The following STK10 variants were observed in gnomAD, a reference collection of about 807,000 sequenced individuals.
The protein encoded by STK10 is serine/threonine-protein kinase 10.
STK10 carries 78 observed loss-of-function variants against 113.8 expected under a neutral mutation model. That is an observed-to-expected ratio of 0.69 (90% CI 0.57 to 0.83). The LOEUF (loss-of-function observed/expected upper bound fraction) is 0.83, where lower values mean the gene tolerates loss of function less well. Ranked by LOEUF, STK10 falls within the 40% of genes least tolerant of loss-of-function variation. STK10 has a pLI of 0.00. For missense variants in STK10, 1,109 were observed against 1,280.1 expected (o/e 0.87, Z 2.04); for synonymous variants, 465 against 494.7 (o/e 0.94, Z 0.80).
chr5:172,057,280 A>G lies in STK10; in HGVS notation c.2337+69T>C. ...GTGCACCCAAGAGGTGCCCCATCAC[A>G]TACAGCCTCATGGCTCTCCCAGGTC... On this transcript the variant is annotated intron_variant, in intron 15 of 18. Coordinates refer to ENST00000176763, the MANE Select transcript of STK10 (RefSeq NM_005990.4). 5 of 1,542,546 alleles carry G rather than the reference A, an allele frequency of 3.2e-6. No homozygotes were observed. In the Admixed American group the frequency reaches 7.7e-5, roughly 24 times the overall value.
At chr5:172,087,495 G>A (rs543404365) in intron 10 of STK10, among the ~76,000 whole-genome samples, 2 of 151,966 alleles carry the variant, frequency 1.3e-5, no homozygotes, top group Admixed American at 6.6e-5. Context: ...GGCTTTTCTC[G>A]AACTCCTGAC....
intron 1 of STK10, among the ~76,000 whole-genome samples, chr5:172,158,016 G>A (rs17643035): frequency 0.035 from 5,278 of 152,290 alleles, 121 homozygotes; most frequent in Non-Finnish European, 0.05. Flanking sequence ...GAACTGTTTC[G>A]TAGATGCATG....
chr5:172,167,442 C>G (rs748753653), intron 1 of STK10, among the ~76,000 whole-genome samples: 2 of 152,104 alleles, frequency 1.3e-5, no homozygotes, highest in Non-Finnish European at 2.9e-5. Flanking sequence ...TGGACAGGGA[C>G]GAGCTAAAAC....
In STK10 at chr5:172,111,353, T is replaced by C. The variant is rs144383549; in HGVS notation, c.521-3501A>G. The stretch of plus-strand genomic sequence containing the variant: ...CCCGACCACAGGCCCTGCCGATCCC[T>C]TCCTGAGAAGAGAGACGAGAAACAG... On this transcript the variant is annotated intron_variant, in intron 4 of 18. Coordinates refer to ENST00000176763, the MANE Select transcript of STK10 (RefSeq NM_005990.4). 9.2e-3 allele frequency among the ~76,000 whole-genome samples: 1,396 copies of C among 152,254 alleles called. 17 individuals carry two copies. Among genetic ancestry groups the C allele is most frequent in the African/African-American group, 0.032 (1,327 of 41,548 alleles).
chr5:172,157,590 A>T lies in STK10; in HGVS notation c.157-802T>A, dbSNP rs532458021. Among the ~76,000 whole-genome samples the T allele has an allele frequency of 2.6e-5, 4 of 151,982 alleles. No homozygotes were observed. The East Asian group carries it at 5.8e-4, about 22-fold the overall frequency. ...AACATTTTTTTAAATCTGTTTAAAA[A>T]TTTTTTTTGTTGTTTTTTGAGATGG... On this transcript the variant is annotated intron_variant, in intron 1 of 18. Coordinates refer to ENST00000176763, the MANE Select transcript of STK10 (RefSeq NM_005990.4).
intron 14 of STK10, 21 bp downstream of exon 14, chr5:172,061,118 C>T: frequency 6.3e-7 from 1 of 1,596,984 alleles, no homozygotes; most frequent in Non-Finnish European, 8.5e-7. Flanking sequence ...CAAGACAGCG[C>T]TGCCACTTGC....
intron 1 of STK10, among the ~76,000 whole-genome samples, chr5:172,178,906 A>T (rs6872832): frequency 0.22 from 33,441 of 151,738 alleles, 4,244 homozygotes; most frequent in African/African-American, 0.36. Context: ...AACTGCAAGG[A>T]GGTGTTCTGG....
intron 1 of STK10, among the ~76,000 whole-genome samples, chr5:172,173,864 C>A (rs1770705166): frequency 6.6e-6 from 1 of 152,216 alleles, no homozygotes; most frequent in African/African-American, 2.4e-5. Context: ...ACAGTGAGGG[C>A]TGGCCACAAG....
chr5:172,122,875 G>A (rs113399073), intron 3 of STK10, among the ~76,000 whole-genome samples: 2,532 of 152,158 alleles, frequency 0.017, 60 homozygotes, highest in African/African-American at 0.056. Context: ...CACCCGCCTC[G>A]GCCTCCCAAA....
At chr5:172,083,909 A>C (rs1208757778) in intron 10 of STK10, among the ~76,000 whole-genome samples, 1 of 147,756 alleles carries the variant, frequency 6.8e-6, no homozygotes, top group Non-Finnish European at 1.5e-5. Context: ...ACTCCGTCTC[A>C]ACAACACAAA....
intron 1 of STK10, among the ~76,000 whole-genome samples, chr5:172,186,718 T>C (rs1295711321): frequency 1.3e-5 from 2 of 152,212 alleles, no homozygotes; most frequent in African/African-American, 4.8e-5. Flanking sequence ...TGGGATCTTA[T>C]TAAAACGTAG....
At chr5:172,080,699 A>G (rs1253381272) in intron 12 of STK10, among the ~76,000 whole-genome samples, 1 of 152,248 alleles carries the variant, frequency 6.6e-6, no homozygotes, top group Non-Finnish European at 1.5e-5. Flanking sequence ...GCTGAGGAAG[A>G]AAGGCTGGAA....
At chr5:172,129,771 G>A (rs1769707158) in intron 2 of STK10, among the ~76,000 whole-genome samples, 2 of 152,208 alleles carry the variant, frequency 1.3e-5, no homozygotes, top group Non-Finnish European at 2.9e-5. Flanking sequence ...CACAAGAGGT[G>A]ATGATGGAAA....
chr5:172,148,848 G>A (rs1050726060), intron 2 of STK10, among the ~76,000 whole-genome samples: 4 of 152,220 alleles, frequency 2.6e-5, no homozygotes, highest in Non-Finnish European at 4.4e-5. Flanking sequence ...CCACTCCACC[G>A]TTCTAACCCT....
chr5:172,044,647 A>C lies in STK10; in HGVS notation c.*235T>G. ...TGAAGGGATCTGGGGCTCAAGGAGA[A>C]TATACATTAGGTTCAGGTGACAAAT... is the stretch of plus-strand genomic sequence containing the variant. On this transcript the variant is annotated 3_prime_UTR_variant, in exon 19 of 19. Transcript: ENST00000176763. This position sits in a 1 kb window ranked among gnomAD's most constrained non-coding sequence, Gnocchi z 4.5. 1.6e-6 allele frequency: 1 copy of C among 609,336 alleles called. No individual in the cohort carries two copies. The highest frequency in any genetic ancestry group is 2.0e-5 in the South Asian group (1 of 50,922). The allele number at this position is 609,336 out of a possible 1,614,324, so 37.7% of individuals were successfully genotyped here.
chr5:172,069,879 C>T (rs1013169990), intron 12 of STK10, among the ~76,000 whole-genome samples: 2 of 152,146 alleles, frequency 1.3e-5, no homozygotes, highest in Non-Finnish European at 1.5e-5. Flanking sequence ...CAAGTGCACA[C>T]GGAACACTCA....
Position 172,093,717 on chromosome 5 carries a change from A to C in STK10, c.1249T>G (p.Ser417Ala), listed in dbSNP as rs774174400. The change falls in exon 9 of 19, where the codon TCA becomes GCA. Residue 417 changes from serine (S) to alanine (A), a missense_variant. Physicochemically the swap from Ser to Ala is moderately conservative, Grantham distance 99. This residue lies in a region of STK10 where 885 missense variants were observed against 991.1 expected (regional missense o/e 0.89). Transcript: ENST00000176763. This position sits in a 1 kb window ranked among gnomAD's most constrained non-coding sequence, Gnocchi z 4.1. ...PVPLRKSRPVSMDARIQVAQE... is the reference protein window; with the variant it reads ...PVPLRKSRPVAMDARIQVAQE... Reference sequence around the variant, plus strand: ...GCTACCTGAATTCTGGCATCCATTGACACGGGTCGGGACTTCCGCAGGGGC... The same window carrying C: ...GCTACCTGAATTCTGGCATCCATTGCCACGGGTCGGGACTTCCGCAGGGGC... The C allele has an allele frequency of 6.2e-7, 1 of 1,614,174 alleles. No individual in the cohort carries two copies. The highest frequency in any genetic ancestry group is 8.5e-7 in the Non-Finnish European group (1 of 1,180,004).
chr5:172,125,930 T>C (rs929007873), intron 3 of STK10, among the ~76,000 whole-genome samples: 2 of 152,254 alleles, frequency 1.3e-5, no homozygotes, highest in Non-Finnish European at 2.9e-5. Context: ...TTTGAGACTT[T>C]AGGCATTTTG....
intron 14 of STK10, 133 bp from the exon 15 acceptor site, chr5:172,057,606 A>G (rs541152833): frequency 2.1e-5 from 29 of 1,391,834 alleles, no homozygotes; most frequent in South Asian, 1.7e-4. Context: ...GAATTGCCAC[A>G]TGTTCTACCT....
Sources: allele counts gnomAD v4.1 joint callset (sites outside exome capture counted in the v4.1 genomes callset), GRCh38; gene constraint gnomAD v4.1.1; regional missense constraint gnomAD v4.1.1; non-coding constraint Gnocchi (gnomAD v3.1); transcripts MANE v1.5; gene names NCBI Gene and HGNC (gene_info 2026-07-23, HGNC 2026-07-21).